ANKRD29: variants seen among roughly 807,000 people sequenced by gnomAD.
ANKRD29 encodes ankyrin repeat domain-containing protein 29.
Under a neutral mutation model 38.0 loss-of-function variants are expected in ANKRD29, and 32 were observed. The observed-to-expected ratio is 0.84, with a 90% CI of 0.64 to 1.13. The LOEUF (loss-of-function observed/expected upper bound fraction) is 1.13. Among genes scored for constraint, ANKRD29 ranks in the 50% most tolerant of loss-of-function variants. ANKRD29 has a pLI of 0.00. For synonymous variants in ANKRD29, 135 were observed against 152.4 expected, an observed-to-expected ratio of 0.89 and a Z score of 0.84; for missense variants, 357 against 377.9, an observed-to-expected ratio of 0.94 and a Z score of 0.46.
At position 23,601,165 on chromosome 18, in the gene ANKRD29, G is replaced by T; in HGVS notation, c.*61C>A. 6.9e-7 allele frequency: 1 copy of T among 1,459,068 alleles called. No homozygotes were observed. The highest frequency in any genetic ancestry group is 9.5e-7 in the Non-Finnish European group (1 of 1,051,060). The allele number at this position is 1,459,068 out of a possible 1,614,324, so 90.4% of individuals were successfully genotyped here. A position where few individuals can be genotyped will look rare whatever the true frequency, so the allele number is the denominator to read the frequency against. The stretch of plus-strand genomic sequence containing the variant: ...AAGAATTTCCAACACTGCTTGAAAT[G>T]CAATTTCTTTTTGGACAATGTGGTT... On this transcript the variant is annotated 3_prime_UTR_variant, in exon 10 of 10. Coordinates refer to ENST00000592179, the MANE Select transcript of ANKRD29 (RefSeq NM_173505.4).
At chr18:23,628,553 G>A (rs2059889981) in intron 6 of ANKRD29, among the ~76,000 whole-genome samples, 1 of 152,068 alleles carries the variant, frequency 6.6e-6, no homozygotes, top group African/African-American at 2.4e-5. Flanking sequence ...AATTAATCTG[G>A]TGCCAGGCAT....
chr18:23,645,648 C>T (rs1176827667), intron 3 of ANKRD29, among the ~76,000 whole-genome samples: 2 of 152,164 alleles, frequency 1.3e-5, no homozygotes, highest in Admixed American at 6.5e-5. Context: ...ACCAAACTCC[C>T]AAGATTGTCC....
At chr18:23,661,252 T>G (rs530670804) in intron 1 of ANKRD29, among the ~76,000 whole-genome samples, 12 of 152,330 alleles carry the variant, frequency 7.9e-5, no homozygotes, top group African/African-American at 2.6e-4. Flanking sequence ...CTAAATCTCA[T>G]CTCTAGCTGC....
At chr18:23,655,477 C>T (rs902311574) in intron 1 of ANKRD29, among the ~76,000 whole-genome samples, 9 of 152,040 alleles carry the variant, frequency 5.9e-5, no homozygotes, top group Non-Finnish European at 1.0e-4. Context: ...CGGAGTCTCA[C>T]TCTGTCACCC....
At chr18:23,662,654 G>A in intron 1 of ANKRD29, 56 bp downstream of exon 1, 2 of 259,478 alleles carry the variant, frequency 7.7e-6, no homozygotes, top group South Asian at 3.0e-5. Flanking sequence ...CCGACCCCGC[G>A]GGCCCGGCCG....
At chr18:23,656,647 T>C (rs780063090) in intron 1 of ANKRD29, among the ~76,000 whole-genome samples, 24 of 152,138 alleles carry the variant, frequency 1.6e-4, no homozygotes, top group Non-Finnish European at 2.9e-4. Context: ...TGCAGAAAAA[T>C]GGACAAAAGG....
chr18:23,613,873 C>T (rs904279358), intron 8 of ANKRD29, among the ~76,000 whole-genome samples: 1 of 152,068 alleles, frequency 6.6e-6, no homozygotes, highest in African/African-American at 2.4e-5. Flanking sequence ...GCTGGGATTA[C>T]AGGCATGAGC....
chr18:23,631,620 A>G (rs1439027366), intron 5 of ANKRD29, among the ~76,000 whole-genome samples: 3 of 152,104 alleles, frequency 2.0e-5, no homozygotes, highest in Non-Finnish European at 2.9e-5. Flanking sequence ...TTTCAATACA[A>G]CTGCCCTAGA....
chr18:23,611,836 A>G lies in ANKRD29; in HGVS notation c.822+256T>C, dbSNP rs1231206125. ...CCTCCCTCGCTGCAAAAATCTATTGAAAGTCAGCCCTTGACACAAGGGTTT... is the reference window on the plus strand; with the variant it reads ...CCTCCCTCGCTGCAAAAATCTATTGGAAGTCAGCCCTTGACACAAGGGTTT... On this transcript the variant is annotated intron_variant, in intron 9 of 9. Transcript: ENST00000592179. 1.3e-5 allele frequency among the ~76,000 whole-genome samples: 2 copies of G among 152,030 alleles called. 1 individual carries two copies. Among genetic ancestry groups the G allele is most frequent in the Non-Finnish European group, 2.9e-5 (2 of 68,008 alleles).
chr18:23,603,307 A>C (rs545407800), intron 9 of ANKRD29, among the ~76,000 whole-genome samples: 1 of 152,374 alleles, frequency 6.6e-6, no homozygotes, highest in East Asian at 1.9e-4. Context: ...GAGTTTGTAG[A>C]ATGTTGGCAC....
At position 23,619,518 on chromosome 18, in the gene ANKRD29, C is replaced by T. The variant is rs749532625; in HGVS notation, c.627+13G>A. On this transcript the variant is annotated intron_variant, in intron 7 of 9. Coordinates refer to ENST00000592179, the MANE Select transcript of ANKRD29 (RefSeq NM_173505.4). ...GAGGCTTCGCTCTTTGGCCGCGCGA[C>T]TCGGGCACTCACGTTCCGCGCAGCG... The T allele has an allele frequency of 6.3e-7, 1 of 1,578,314 alleles. No individual in the cohort carries two copies.
intron 1 of ANKRD29, among the ~76,000 whole-genome samples, chr18:23,656,695 A>C (rs950746587): frequency 1.3e-5 from 2 of 152,222 alleles, no homozygotes; most frequent in African/African-American, 2.4e-5. Flanking sequence ...ATCATTTAAA[A>C]AGCAGTGTCA....
At chr18:23,624,452 G>A (rs563347286) in intron 6 of ANKRD29, among the ~76,000 whole-genome samples, 302 of 82,350 alleles carry the variant, frequency 3.7e-3, no homozygotes, top group African/African-American at 0.012. Context: ...GGGCGACAGA[G>A]TGAGACTCCA....
At chr18:23,620,048 T>A (rs1232617855) in intron 6 of ANKRD29, among the ~76,000 whole-genome samples, 1 of 152,284 alleles carries the variant, frequency 6.6e-6, no homozygotes. Context: ...GAAGCCGGCC[T>A]ATTCCCCCAA....
intron 2 of ANKRD29, 136 bp downstream of exon 2, chr18:23,648,947 G>T: frequency 2.7e-6 from 2 of 729,108 alleles, no homozygotes; most frequent in Non-Finnish European, 4.5e-6. Flanking sequence ...TACCTTGGAT[G>T]TTTTAAAAAG....
chr18:23,650,426 G>C (rs1440337811), intron 1 of ANKRD29, among the ~76,000 whole-genome samples: 3 of 152,244 alleles, frequency 2.0e-5, no homozygotes, highest in Non-Finnish European at 2.9e-5. Flanking sequence ...TTACAGGCGT[G>C]AGCCACTGCA....
intron 7 of ANKRD29, chr18:23,618,398 G>A (rs1414589833): frequency 2.0e-5 from 3 of 152,366 alleles, no homozygotes; most frequent in Non-Finnish European, 4.4e-5. Flanking sequence ...AAGGCAGGAG[G>A]GTCACTTGAA....
chr18:23,662,531 G>A (rs1265191611), intron 1 of ANKRD29, among the ~76,000 whole-genome samples, 179 bp downstream of exon 1: 5 of 151,272 alleles, frequency 3.3e-5, no homozygotes, highest in South Asian at 2.1e-4. Context: ...CCCACAGGGC[G>A]CACCCAGCCC....
chr18:23,622,355 T>C (rs891158932), intron 6 of ANKRD29, among the ~76,000 whole-genome samples: 2 of 152,040 alleles, frequency 1.3e-5, no homozygotes, highest in Non-Finnish European at 2.9e-5. Flanking sequence ...CTGGTGCCAA[T>C]ACTAATGCGC....
Sources: allele counts gnomAD v4.1 joint callset (sites outside exome capture counted in the v4.1 genomes callset), GRCh38; gene constraint gnomAD v4.1.1; transcripts MANE v1.5; gene names NCBI Gene and HGNC (gene_info 2026-07-23, HGNC 2026-07-21).